Variants in FERMT2 observed in about 807,000 individuals in gnomAD.
FERMT2 encodes the protein fermitin family homolog 2.
FERMT2 carries 15 observed loss-of-function variants against 82.7 expected under a neutral mutation model. The ratio of observed to expected loss-of-function variants is 0.18; its 90% confidence interval spans 0.12 to 0.28. FERMT2 has a LOEUF of 0.28. Ranked by LOEUF, FERMT2 falls within the 10% of genes least tolerant of loss-of-function variation. The pLI is 1.00. For missense variants in FERMT2, 645 were observed against 809.4 expected (o/e 0.80, Z 2.46); for synonymous variants, 274 against 271.5 (o/e 1.01, Z -0.09).
intron 10 of FERMT2, among the ~76,000 whole-genome samples, chr14:52,869,599 T>TA (rs1885491611): frequency 6.6e-6 from 1 of 152,188 alleles, no homozygotes; most frequent in African/African-American, 2.4e-5. Context: ...CTGCTGCCAG[T>TA]AATAGAAAGA....
intron 2 of FERMT2, among the ~76,000 whole-genome samples, chr14:52,939,493 T>C (rs1398216075): frequency 6.6e-6 from 1 of 152,026 alleles, no homozygotes; most frequent in Non-Finnish European, 1.5e-5. Flanking sequence ...AACACTAAAA[T>C]AGCTGGAACT....
intron 3 of FERMT2, among the ~76,000 whole-genome samples, chr14:52,897,744 A>C (rs1201820044): frequency 6.6e-6 from 1 of 152,144 alleles, no homozygotes; most frequent in Non-Finnish European, 1.5e-5. Flanking sequence ...TGGGAGGCTG[A>C]GACGGGTGGA....
intron 2 of FERMT2, among the ~76,000 whole-genome samples, chr14:52,933,803 G>A (rs1229507859): frequency 6.7e-6 from 1 of 150,066 alleles, no homozygotes; most frequent in African/African-American, 2.5e-5. Context: ...TCCGTTAACA[G>A]GTTCCACAAA....
At chr14:52,904,298 C>T (rs1051520964) in intron 3 of FERMT2, among the ~76,000 whole-genome samples, 9 of 152,220 alleles carry the variant, frequency 5.9e-5, no homozygotes, top group African/African-American at 2.2e-4. Flanking sequence ...GGGCGGATCA[C>T]CTGAGGTCAG....
intron 3 of FERMT2, among the ~76,000 whole-genome samples, chr14:52,895,417 A>C (rs568753579): frequency 6.6e-6 from 1 of 152,228 alleles, no homozygotes; most frequent in Non-Finnish European, 1.5e-5. Flanking sequence ...CCAAAACTGA[A>C]AATAACCCAG....
intron 3 of FERMT2, among the ~76,000 whole-genome samples, chr14:52,909,237 G>T (rs1357749097): frequency 6.6e-6 from 1 of 152,124 alleles, no homozygotes; most frequent in East Asian, 1.9e-4. Flanking sequence ...CACATTGGCA[G>T]TCAAAAAGTT....
At chr14:52,886,091 C>T (rs1220341474) in intron 4 of FERMT2, among the ~76,000 whole-genome samples, 1 of 151,510 alleles carries the variant, frequency 6.6e-6, no homozygotes, top group Non-Finnish European at 1.5e-5. Context: ...ATATAAATGG[C>T]TAATAAACAT....
rs957927053 is a variant in FERMT2, at chr14:52,887,355, A to T, written c.527-5886T>A. Among the ~76,000 whole-genome samples, 8 of 152,226 alleles carry T rather than the reference A, an allele frequency of 5.3e-5. No individual in the cohort carries two copies. The South Asian group carries it at 1.7e-3, about 32-fold the overall frequency. On this transcript the variant is annotated intron_variant, in intron 4 of 14. Coordinates refer to ENST00000341590, the MANE Select transcript of FERMT2 (RefSeq NM_006832.3). ...TGGCAAAACCTCATCTCTACAAAAA[A>T]TACAAAAATTAGCTGGCCATGCTGG... is the stretch of plus-strand genomic sequence containing the variant.
intron 7 of FERMT2, among the ~76,000 whole-genome samples, chr14:52,875,988 G>A (rs1235960785): frequency 6.6e-6 from 1 of 152,104 alleles, no homozygotes; most frequent in Non-Finnish European, 1.5e-5. Context: ...ATGTAGACAG[G>A]AAAATTTTTG....
At chr14:52,912,081 C>A (rs948341587) in intron 3 of FERMT2, among the ~76,000 whole-genome samples, 2 of 151,744 alleles carry the variant, frequency 1.3e-5, no homozygotes, top group Non-Finnish European at 2.9e-5. Flanking sequence ...TGTCGTGCTG[C>A]CAGCATGAGA....
chr14:52,911,822 T>A (rs1888329679), intron 3 of FERMT2, among the ~76,000 whole-genome samples: 1 of 152,202 alleles, frequency 6.6e-6, no homozygotes, highest in South Asian at 2.1e-4. Context: ...AAATATGCAT[T>A]TATTAAATAT....
In FERMT2 at chr14:52,875,228, T is replaced by C. The variant is rs770334735; in HGVS notation, c.1093A>G (p.Ile365Val). Residue 365 changes from isoleucine (I) to valine (V), a missense_variant, in exon 8 of 15, where the codon ATT (isoleucine) becomes GTT (valine). By Grantham distance (29) the Ile-to-Val change is conservative (BLOSUM62 3). Coordinates refer to ENST00000341590, the MANE Select transcript of FERMT2 (RefSeq NM_006832.3). ...ITLEGGKTSTILGDITSIPEL... is the reference protein window; with the variant it reads ...ITLEGGKTSTVLGDITSIPEL... ...AAAAAAAAGATTCACCCTACCAAAA[T>C]TGTTGACGTTTTACCCCCTTCCAGA... 13 of 1,597,852 alleles carry C rather than the reference T, an allele frequency of 8.1e-6. No individual in the cohort carries two copies. The highest frequency in any genetic ancestry group is 3.3e-4 in the Middle Eastern group (2 of 5,978).
intron 10 of FERMT2, among the ~76,000 whole-genome samples, chr14:52,870,345 G>A (rs551555150): frequency 1.6e-4 from 25 of 151,974 alleles, no homozygotes; most frequent in Non-Finnish European, 3.5e-4. Context: ...CACCTCCCAG[G>A]TTCAAGCAAT....
chr14:52,944,572 T>C (rs1322844348), intron 2 of FERMT2, among the ~76,000 whole-genome samples: 1 of 152,220 alleles, frequency 6.6e-6, no homozygotes, highest in East Asian at 1.9e-4. Flanking sequence ...AAGCCCCTCA[T>C]GTAAGCCAGT....
intron 13 of FERMT2, chr14:52,860,029 G>C (rs1164736984): frequency 7.1e-6 from 2 of 281,976 alleles, no homozygotes; most frequent in Admixed American, 5.0e-5. Flanking sequence ...GTGTTAGCCA[G>C]GATGGTCTCT....
chr14:52,909,772 C>G (rs1462750699), intron 3 of FERMT2, among the ~76,000 whole-genome samples: 1 of 151,486 alleles, frequency 6.6e-6, no homozygotes, highest in Non-Finnish European at 1.5e-5. Flanking sequence ...TCCTTTTCAT[C>G]TTTATTTAAA....
At position 52,881,252 on chromosome 14, in the gene FERMT2, G is replaced by A. The variant is rs1886277214; in HGVS notation, c.744C>T (p.Ile248=). 6.2e-7 allele frequency: 1 copy of A among 1,613,638 alleles called. No individual in the cohort carries two copies. Among genetic ancestry groups the A allele is most frequent in the Non-Finnish European group, 8.5e-7 (1 of 1,179,624 alleles). ...KPQALLDKAK[I]NQGWLDSSRS... is the part of the protein sequence containing the mutation. ...TATATCTTAAAACTTACCCTTGGTT[G>A]ATTTTTGCTTTATCAAGAAGAGCTT... Residue 248 remains isoleucine, a synonymous_variant, in exon 5 of 15, where the codon ATC becomes ATT. Transcript: ENST00000341590.
intron 2 of FERMT2, among the ~76,000 whole-genome samples, chr14:52,923,668 A>C (rs1889091065): frequency 6.6e-6 from 1 of 152,020 alleles, no homozygotes; most frequent in Non-Finnish European, 1.5e-5. Flanking sequence ...CAAAGATTAC[A>C]TACTGGACAT....
At chr14:52,935,241 A>C (rs761393219) in intron 2 of FERMT2, among the ~76,000 whole-genome samples, 1 of 152,252 alleles carries the variant, frequency 6.6e-6, no homozygotes, top group African/African-American at 2.4e-5. Context: ...CAAAGTTTAC[A>C]TATCATTCAA....
Sources: allele counts gnomAD v4.1 joint callset (sites outside exome capture counted in the v4.1 genomes callset), GRCh38; gene constraint gnomAD v4.1.1; transcripts MANE v1.5; gene names NCBI Gene and HGNC (gene_info 2026-07-23, HGNC 2026-07-21).